The following SPRR2B variants were observed in gnomAD, a reference collection of about 807,000 sequenced individuals.
SPRR2B encodes the protein small proline rich protein 2B, also known as small proline-rich protein 2B.
In SPRR2B, 1 loss-of-function variant was observed where a neutral mutation model predicts 1.0. The ratio of observed to expected loss-of-function variants is 1.01; its 90% confidence interval spans 0.36 to 4.77. SPRR2B has a LOEUF of 4.77. Among genes scored for constraint, SPRR2B ranks in the 30% most tolerant of loss-of-function variants. SPRR2B has a pLI of 0.16. For missense variants in SPRR2B, 53 were observed against 88.7 expected (o/e 0.60, Z 1.62); for synonymous variants, 27 against 33.4 (o/e 0.81, Z 0.66).
chr1:153,071,802 ATG>A (rs1245049008), upstream of SPRR2B, among the ~76,000 whole-genome samples: 11 of 152,160 alleles, frequency 7.2e-5, no homozygotes, highest in African/African-American at 2.7e-4. Flanking sequence ...TCAGTGACTT[ATG>A]GCAAAGAGGG....
the SPRR2B span, among the ~76,000 whole-genome samples, chr1:153,081,677 T>G: frequency 3.9e-5 from 6 of 152,230 alleles, no homozygotes; most frequent in Non-Finnish European, 5.9e-5. Flanking sequence ...CTTCACTTTT[T>G]ATTTTCTACA....
chr1:153,073,734 A>C (rs1178037024), upstream of SPRR2B, among the ~76,000 whole-genome samples: 3 of 135,016 alleles, frequency 2.2e-5, no homozygotes, highest in Admixed American at 7.5e-5. Flanking sequence ...CACACACACA[A>C]CATGAGTCTT....
the SPRR2B span, among the ~76,000 whole-genome samples, chr1:153,078,058 A>G: frequency 6.6e-6 from 1 of 152,230 alleles, no homozygotes; most frequent in East Asian, 1.9e-4. Context: ...TAAATGCAGA[A>G]AGAAGACCTT....
upstream of SPRR2B, among the ~76,000 whole-genome samples, chr1:153,075,912 G>A (rs115891610): frequency 5.7e-3 from 873 of 152,184 alleles, 10 homozygotes; most frequent in African/African-American, 0.02. Flanking sequence ...TAGAACAACG[G>A]ATAATGTTTC....
At chr1:153,085,610 G>C in the SPRR2B span, among the ~76,000 whole-genome samples, 33 of 152,310 alleles carry the variant, frequency 2.2e-4, no homozygotes, top group South Asian at 5.6e-3. Context: ...TGTATTTCCA[G>C]ATATTATCAT....
the SPRR2B span, among the ~76,000 whole-genome samples, chr1:153,081,829 T>TC: frequency 4.2e-5 from 6 of 143,196 alleles, no homozygotes; most frequent in African/African-American, 1.4e-4. Flanking sequence ...TCTTTTCTTT[T>TC]TTTTTTTTTT....
chr1:153,085,327 A>T, the SPRR2B span, among the ~76,000 whole-genome samples: 1 of 152,218 alleles, frequency 6.6e-6, no homozygotes, highest in Non-Finnish European at 1.5e-5. Context: ...TAAAGAAAAG[A>T]ACATAACTGA....
upstream of SPRR2B, among the ~76,000 whole-genome samples, chr1:153,076,010 T>A (rs1477009109): frequency 6.6e-6 from 1 of 152,228 alleles, no homozygotes; most frequent in Non-Finnish European, 1.5e-5. Context: ...TGTTGATTTG[T>A]TGATTTGAAA....
chr1:153,072,600 G>T (rs1414197377), upstream of SPRR2B, among the ~76,000 whole-genome samples: 1 of 152,142 alleles, frequency 6.6e-6, no homozygotes, highest in Non-Finnish European at 1.5e-5. Context: ...TATCAACTCA[G>T]TGTGATCCTA....
chr1:153,079,738 A>G, the SPRR2B span, among the ~76,000 whole-genome samples: 1 of 152,110 alleles, frequency 6.6e-6, no homozygotes, highest in South Asian at 2.1e-4. Flanking sequence ...CTGTTTTGGT[A>G]CCAGTACCAT....
At chr1:153,074,230 C>T (rs764638315), upstream of SPRR2B, among the ~76,000 whole-genome samples, 8 of 152,000 alleles carry the variant, frequency 5.3e-5, no homozygotes, top group Non-Finnish European at 8.8e-5. Flanking sequence ...AACAATTTCA[C>T]GGAGATCCAT....
chr1:153,079,266 C>T, the SPRR2B span, among the ~76,000 whole-genome samples: 1 of 151,914 alleles, frequency 6.6e-6, no homozygotes, highest in East Asian at 1.9e-4. Flanking sequence ...TGGATATTAG[C>T]CCTTTGTCAG....
In SPRR2B at chr1:153,070,541, G is replaced by C; in HGVS notation, c.*80C>G. On this transcript the variant is annotated 3_prime_UTR_variant, in exon 2 of 2. Transcript: ENST00000368755. The stretch of plus-strand genomic sequence containing the variant: ...CTATGAATCCATGATAAGCTTTGAT[G>C]AGAAGATGAAGGTGGAGCTGTGGAA... 1 of 1,559,140 alleles carries C rather than the reference G, an allele frequency of 6.4e-7. No homozygotes were observed. Among genetic ancestry groups the C allele is most frequent in the Non-Finnish European group, 8.7e-7 (1 of 1,152,046 alleles).
At chr1:153,087,435 A>G in the SPRR2B span, among the ~76,000 whole-genome samples, 2 of 152,138 alleles carry the variant, frequency 1.3e-5, no homozygotes, top group Non-Finnish European at 2.9e-5. Context: ...GACACAAAAA[A>G]CCATTCAAAA....
At chr1:153,071,823 G>GA (rs908914326), upstream of SPRR2B, among the ~76,000 whole-genome samples, 1 of 152,158 alleles carries the variant, frequency 6.6e-6, no homozygotes, top group Non-Finnish European at 1.5e-5. Flanking sequence ...GGACTTGGGG[G>GA]ATTCTCTAAC....
upstream of SPRR2B, among the ~76,000 whole-genome samples, chr1:153,072,176 A>C (rs888847389): frequency 2.0e-5 from 3 of 152,008 alleles, no homozygotes; most frequent in East Asian, 5.8e-4. Flanking sequence ...GAAATTTTCT[A>C]CTTCACCTCT....
chr1:153,073,104 G>A (rs1654705199), upstream of SPRR2B, among the ~76,000 whole-genome samples: 1 of 152,232 alleles, frequency 6.6e-6, no homozygotes, highest in African/African-American at 2.4e-5. Context: ...AGTTAAGCAA[G>A]TTAGGTTTCC....
At chr1:153,080,149 A>G in the SPRR2B span, among the ~76,000 whole-genome samples, 8 of 152,180 alleles carry the variant, frequency 5.3e-5, no homozygotes, top group African/African-American at 1.9e-4. Context: ...ATAAACCTAC[A>G]TTTACTAAAC....
At chr1:153,083,878 G>A in the SPRR2B span, among the ~76,000 whole-genome samples, 1 of 152,216 alleles carries the variant, frequency 6.6e-6, no homozygotes, top group Non-Finnish European at 1.5e-5. Context: ...CAGGGCTAGG[G>A]ATGGCCATCT....
Sources: gnomAD v4.1 joint callset for allele counts (sites outside exome capture counted in the v4.1 genomes callset) on GRCh38, gnomAD v4.1.1 for gene constraint, MANE v1.5 for transcripts, NCBI Gene and HGNC (gene_info 2026-07-23, HGNC 2026-07-21) for gene names.